Variants in PCDHA1 observed in about 807,000 individuals in gnomAD.
PCDHA1 encodes protocadherin alpha 1.
Under a neutral mutation model 61.3 loss-of-function variants are expected in PCDHA1, and 42 were observed. The observed-to-expected ratio is 0.69, with a 90% CI of 0.54 to 0.89. PCDHA1 has a LOEUF of 0.89. PCDHA1 is among the 40% of genes least tolerant of loss of function. The pLI, the probability that PCDHA1 is intolerant of heterozygous loss-of-function variation, is 0.00. For synonymous variants in PCDHA1, 610 were observed against 553.8 expected, an observed-to-expected ratio of 1.10 and a Z score of -1.43; for missense variants, 1,256 against 1,235.3, an observed-to-expected ratio of 1.02 and a Z score of -0.25.
chr5:140,986,011 T>A (rs1172713730), intron 3 of PCDHA1, among the ~76,000 whole-genome samples: 1 of 152,184 alleles, frequency 6.6e-6, no homozygotes, highest in Non-Finnish European at 1.5e-5. Flanking sequence ...AGTGCTGGGA[T>A]TACAGGCGTG....
At chr5:141,005,192 TTTCA>T (rs1554259924) in intron 3 of PCDHA1, among the ~76,000 whole-genome samples, 1 of 152,220 alleles carries the variant, frequency 6.6e-6, no homozygotes, top group African/African-American at 2.4e-5. Context: ...ACATCAGTCC[TTTCA>T]TTCATTCATC....
intron 1 of PCDHA1, chr5:140,877,432 C>T: frequency 6.2e-7 from 1 of 1,613,874 alleles, no homozygotes; most frequent in Non-Finnish European, 8.5e-7. Flanking sequence ...GGTGAAGGAC[C>T]ACGGTGAGCC....
intron 1 of PCDHA1, among the ~76,000 whole-genome samples, chr5:140,961,831 T>G (rs1447917023): frequency 6.6e-6 from 1 of 152,194 alleles, no homozygotes; most frequent in African/African-American, 2.4e-5. Flanking sequence ...TGTAAGTTAT[T>G]TCAGTGCCTT....
intron 1 of PCDHA1, chr5:140,877,508 C>T (rs892674985): frequency 2.5e-6 from 4 of 1,613,808 alleles, no homozygotes; most frequent in Non-Finnish European, 2.5e-6. Context: ...CCAAAGACGT[C>T]GTCGCGGGCC....
chr5:140,985,554 A>G (rs1563525071), intron 3 of PCDHA1, among the ~76,000 whole-genome samples: 1 of 152,114 alleles, frequency 6.6e-6, no homozygotes, highest in Non-Finnish European at 1.5e-5. Flanking sequence ...GTTGCTTCCA[A>G]AAGGCTTCTT....
At chr5:140,859,461 A>G (rs1394799940) in intron 1 of PCDHA1, 1 of 216,144 alleles carries the variant, frequency 4.6e-6, no homozygotes, top group Non-Finnish European at 9.0e-6. Flanking sequence ...TGACAAAACT[A>G]CACTATCAAT....
intron 1 of PCDHA1, chr5:140,794,741 A>G (rs782248661): frequency 3.9e-6 from 2 of 507,136 alleles, no homozygotes. Context: ...CAGAAAATCG[A>G]CTAGTTTTAA....
chr5:140,884,209 T>G (rs1159344104), intron 1 of PCDHA1: 6 of 1,613,276 alleles, frequency 3.7e-6, no homozygotes, highest in Non-Finnish European at 3.4e-6. Context: ...ACCACCGCCT[T>G]CTGGTGCTGG....
intron 1 of PCDHA1, chr5:140,968,321 A>G: frequency 6.2e-7 from 1 of 1,613,834 alleles, no homozygotes; most frequent in Non-Finnish European, 8.5e-7. Flanking sequence ...GCTGCCAGTC[A>G]CCTCCTATGT....
rs1231856848 is a variant in PCDHA1 at position 141,000,389 on chromosome 5, CTCTCTCTA to C, written c.2543-9236_2543-9229del. 6.2e-3 allele frequency among the ~76,000 whole-genome samples: 389 copies of C among 62,448 alleles called. 3 individuals are homozygous for C. Among genetic ancestry groups the C allele is most frequent in the East Asian group, 0.011 (21 of 1,838 alleles). The allele number at this position is 62,448 out of a possible 152,430, so 41.0% of individuals were successfully genotyped here. A position where few individuals can be genotyped will look rare whatever the true frequency, so the allele number is the denominator to read the frequency against. ...TCTCTCTCTCTCTCTCTCTCTCTCT[CTCTCTCTA>C]TATATATATATATATATATATATAT... is the stretch of plus-strand genomic sequence containing the variant. On this transcript the variant is annotated intron_variant, in intron 3 of 3. Coordinates refer to ENST00000504120, the MANE Select transcript of PCDHA1 (RefSeq NM_018900.4).
chr5:140,802,647 G>A (rs941404430), intron 1 of PCDHA1: 5 of 1,613,600 alleles, frequency 3.1e-6, no homozygotes, highest in Non-Finnish European at 4.2e-6. Context: ...GGACGCGGAC[G>A]CGCAGGAGAA....
intron 1 of PCDHA1, chr5:140,805,056 C>T (rs1763501831): frequency 6.3e-7 from 1 of 1,591,674 alleles, no homozygotes; most frequent in Admixed American, 1.7e-5. Flanking sequence ...ACTTGTCTTC[C>T]CAGATATGGA....
chr5:140,852,773 T>C, intron 1 of PCDHA1: 3 of 981,330 alleles, frequency 3.1e-6, no homozygotes, highest in East Asian at 1.1e-4. Context: ...GATTATTTGA[T>C]GTGAATAGAG....
At chr5:140,836,425 G>T (rs2150260582) in intron 1 of PCDHA1, 4 of 1,613,790 alleles carry the variant, frequency 2.5e-6, no homozygotes, top group African/African-American at 1.3e-5. Context: ...GCGTCGTCGC[G>T]GGCATCGTTG....
chr5:140,809,240 G>C (rs1554125099), intron 1 of PCDHA1: 14 of 1,614,108 alleles, frequency 8.7e-6, no homozygotes, highest in Non-Finnish European at 1.2e-5. Flanking sequence ...GGCGTTGGTG[G>C]GCGCTGTGGG....
intron 1 of PCDHA1, chr5:140,882,353 G>A (rs782054546): frequency 2.5e-6 from 4 of 1,614,174 alleles, no homozygotes; most frequent in Non-Finnish European, 3.4e-6. Flanking sequence ...GACGGGTAGT[G>A]GCCAGCTCCA....
At chr5:140,822,855 G>C (rs782705160) in intron 1 of PCDHA1, 1 of 1,614,216 alleles carries the variant, frequency 6.2e-7, no homozygotes, top group Non-Finnish European at 8.5e-7. Flanking sequence ...CTGTCAAAGA[G>C]GACGCTCCAC....
Position 141,009,646 on chromosome 5 carries a change from G to A in PCDHA1, c.2562G>A (p.Val854=), listed in dbSNP as rs369515881. 16 of 1,613,668 alleles carry A rather than the reference G, an allele frequency of 9.9e-6. No individual in the cohort carries two copies. The highest frequency in any genetic ancestry group is 5.5e-5 in the South Asian group (5 of 91,030). ...TTTCAGAACCAGAGGCAGGAGAAGT[G>A]TCCCCTCCAGTCGGTGCGGGTGTCA... is the stretch of plus-strand genomic sequence containing the variant. ...SATPEPEAGE[V]SPPVGAGVNS... The change falls in exon 4 of 4, where the codon GTG becomes GTA. Residue 854 remains valine, a synonymous_variant. Coordinates refer to ENST00000504120, the MANE Select transcript of PCDHA1 (RefSeq NM_018900.4).
rs782772973 is a variant in PCDHA1, at chr5:140,855,915, T to C, written c.2394+67231T>C. 2.5e-5 allele frequency: 30 copies of C among 1,191,312 alleles called. 2 individuals are homozygous for C. Among genetic ancestry groups the C allele is most frequent in the Non-Finnish European group, 3.1e-5 (26 of 850,126 alleles). 73.8% of individuals were successfully genotyped at this position (1,191,312 alleles called of 1,614,324 possible). A position where few individuals can be genotyped will look rare whatever the true frequency, so the allele number is the denominator to read the frequency against. On this transcript the variant is annotated intron_variant, in intron 1 of 3. Coordinates refer to ENST00000504120, the MANE Select transcript of PCDHA1 (RefSeq NM_018900.4). The stretch of plus-strand genomic sequence containing the variant: ...AGGCATCAGCCAGTTTCTCAAGGAC[T>C]AGGAAGTAGCGTCATTCTGAGATCT...
Sources: gnomAD v4.1 joint callset for allele counts (sites outside exome capture counted in the v4.1 genomes callset) on GRCh38, gnomAD v4.1.1 for gene constraint, MANE v1.5 for transcripts, NCBI Gene and HGNC (gene_info 2026-07-23, HGNC 2026-07-21) for gene names.